NLGN1: variants seen among roughly 807,000 people sequenced by gnomAD.
The protein encoded by NLGN1 is neuroligin 1.
NLGN1 carries 12 observed loss-of-function variants against 65.5 expected under a neutral mutation model. The observed-to-expected ratio is 0.18, with a 90% confidence interval of 0.12 to 0.30. NLGN1 has a LOEUF of 0.30. Ranked by LOEUF, NLGN1 falls within the 10% of genes least tolerant of loss-of-function variation. NLGN1 has a pLI of 1.00. For missense variants in NLGN1, 750 were observed against 1,007.1 expected, an observed-to-expected ratio of 0.74 and a Z score of 3.46; for synonymous variants, 350 against 359.5, an observed-to-expected ratio of 0.97 and a Z score of 0.30.
intron 4 of NLGN1, among the ~76,000 whole-genome samples, chr3:174,224,463 C>T (rs1451367205): frequency 6.6e-6 from 1 of 152,160 alleles, no homozygotes; most frequent in African/African-American, 2.4e-5. Context: ...CTTTGGGAGG[C>T]CGAGGCGGGT....
intron 4 of NLGN1, among the ~76,000 whole-genome samples, chr3:173,971,162 G>T (rs961626918): frequency 6.6e-6 from 1 of 152,060 alleles, no homozygotes; most frequent in East Asian, 1.9e-4. Context: ...ATCCCTGAAC[G>T]AGAAAGAGGG....
intron 2 of NLGN1, among the ~76,000 whole-genome samples, chr3:173,547,176 C>G (rs938899441): frequency 2.0e-5 from 3 of 152,032 alleles, no homozygotes; most frequent in Non-Finnish European, 4.4e-5. Context: ...ACTACTTCAG[C>G]GAATATTAGT....
At position 173,432,834 on chromosome 3, in the gene NLGN1, G is replaced by A. The variant is rs145439942; in HGVS notation, c.-389-2176G>A. Among the ~76,000 whole-genome samples, 1,407 of 152,100 alleles carry A rather than the reference G, an allele frequency of 9.3e-3. 16 individuals are homozygous for A. Among genetic ancestry groups the A allele is most frequent in the African/African-American group, 0.032 (1,348 of 41,506 alleles). ...GTTTATTTCCTGTTATCTTTTAGAA[G>A]TCTCATTTCCTTTTAGAGGATAATG... On this transcript the variant is annotated intron_variant, in intron 1 of 6. Transcript: ENST00000457714.
intron 1 of NLGN1, among the ~76,000 whole-genome samples, chr3:173,430,252 C>CATCA: frequency 6.6e-6 from 1 of 152,210 alleles, no homozygotes; most frequent in East Asian, 1.9e-4. Context: ...TAACTGGAGT[C>CATCA]ATCACATCCT....
intron 2 of NLGN1, among the ~76,000 whole-genome samples, chr3:173,474,887 G>A (rs895942040): frequency 1.1e-4 from 16 of 152,040 alleles, no homozygotes; most frequent in Non-Finnish European, 2.1e-4. Context: ...GAACCCGGGA[G>A]GCAGAGGTTG....
At chr3:173,420,239 A>G (rs1342192318) in intron 1 of NLGN1, among the ~76,000 whole-genome samples, 2 of 151,762 alleles carry the variant, frequency 1.3e-5, no homozygotes, top group Non-Finnish European at 2.9e-5. Context: ...CTCCCACCCC[A>G]CAACAGTCCC....
Position 174,169,672 on chromosome 3 carries a change from G to A in NLGN1, c.647-105643G>A, listed in dbSNP as rs575156323. Among the ~76,000 whole-genome samples the A allele has an allele frequency of 2.0e-5, 3 of 152,236 alleles. No individual in the cohort carries two copies. The East Asian group carries it at 5.8e-4, about 30-fold the overall frequency. ...AGGGCCTAGCTTCACCACAATCTCAGGGAGACAGAGTGGGGCACCCAGCAA... is the reference window on the plus strand; with the variant it reads ...AGGGCCTAGCTTCACCACAATCTCAAGGAGACAGAGTGGGGCACCCAGCAA... On this transcript the variant is annotated intron_variant, in intron 4 of 6. Transcript: ENST00000457714.
chr3:173,564,034 T>C (rs571677830), intron 2 of NLGN1, among the ~76,000 whole-genome samples: 194 of 152,364 alleles, frequency 1.3e-3, no homozygotes, highest in Non-Finnish European at 2.2e-3. Context: ...TGGCCCTTAC[T>C]ACCTGTCAGT....
At chr3:173,624,579 T>G (rs943646249) in intron 3 of NLGN1, among the ~76,000 whole-genome samples, 6 of 152,094 alleles carry the variant, frequency 3.9e-5, no homozygotes, top group Admixed American at 3.9e-4. Context: ...GAATACAAAT[T>G]TAAATAAATT....
At chr3:174,115,600 C>T (rs758223166) in intron 4 of NLGN1, among the ~76,000 whole-genome samples, 25 of 152,066 alleles carry the variant, frequency 1.6e-4, no homozygotes, top group Non-Finnish European at 3.2e-4. Context: ...TTTGGAATCC[C>T]GACCCAGAAA....
intron 3 of NLGN1, among the ~76,000 whole-genome samples, chr3:173,729,261 G>A (rs530672963): frequency 7.9e-5 from 12 of 151,904 alleles, no homozygotes; most frequent in Non-Finnish European, 1.6e-4. Context: ...TAAAATTCTC[G>A]AAAAACAAAA....
chr3:174,107,435 G>A (rs1255066987), intron 4 of NLGN1, among the ~76,000 whole-genome samples: 3 of 152,204 alleles, frequency 2.0e-5, no homozygotes, highest in Admixed American at 6.6e-5. Flanking sequence ...TATTTCTGTA[G>A]AGATTTATCT....
chr3:174,054,870 A>T (rs1344624056), intron 4 of NLGN1, among the ~76,000 whole-genome samples: 1 of 152,060 alleles, frequency 6.6e-6, no homozygotes, highest in Non-Finnish European at 1.5e-5. Context: ...TCCACCAATT[A>T]GCACACTCTT....
rs1173695776 is a variant in NLGN1 at position 173,903,952 on chromosome 3, C to CT, written c.646+96130dup. ...CCCAGCACAGACTCAGAAGGCTCTT[C>CT]TTTTTTTTTTCCATTTCCAAGCAGC... On this transcript the variant is annotated intron_variant, in intron 4 of 6. Transcript: ENST00000457714. 4.8e-3 allele frequency among the ~76,000 whole-genome samples: 718 copies of CT among 149,136 alleles called. 6 individuals are homozygous for CT. The highest frequency in any genetic ancestry group is 7.6e-3 in the Non-Finnish European group (511 of 66,934).
intron 1 of NLGN1, among the ~76,000 whole-genome samples, chr3:173,402,834 A>G (rs537952535): frequency 2.6e-5 from 4 of 152,164 alleles, no homozygotes; most frequent in Non-Finnish European, 4.4e-5. Flanking sequence ...ACAACTGTCA[A>G]TGAGACAATG....
At chr3:173,635,329 A>G (rs1756409354) in intron 3 of NLGN1, among the ~76,000 whole-genome samples, 1 of 152,144 alleles carries the variant, frequency 6.6e-6, no homozygotes, top group African/African-American at 2.4e-5. Context: ...ACTCCTGCAA[A>G]TAAGGACAAG....
At chr3:173,995,101 A>T (rs148196954) in intron 4 of NLGN1, among the ~76,000 whole-genome samples, 65 of 152,278 alleles carry the variant, frequency 4.3e-4, no homozygotes, top group African/African-American at 1.5e-3. Context: ...TGCTAGCCCG[A>T]GGTTTGCAAT....
chr3:173,934,324 A>G (rs1478918138), intron 4 of NLGN1, among the ~76,000 whole-genome samples: 1 of 149,072 alleles, frequency 6.7e-6, no homozygotes, highest in African/African-American at 2.5e-5. Flanking sequence ...ATAAACCATT[A>G]TTATGTTATA....
chr3:174,204,681 T>C lies in NLGN1; in HGVS notation c.647-70634T>C, dbSNP rs2152780173. 1.3e-5 allele frequency among the ~76,000 whole-genome samples: 2 copies of C among 152,352 alleles called. 1 individual carries two copies. Among genetic ancestry groups the C allele is most frequent in the South Asian group, 4.1e-4 (2 of 4,832 alleles). ...GTAAATTATAGAAGATTGTGGTCTT[T>C]CCGTGACTAATGCCCTAGAAAAGCT... On this transcript the variant is annotated intron_variant, in intron 4 of 6. Transcript: ENST00000457714.
Sources: allele counts gnomAD v4.1 joint callset (sites outside exome capture counted in the v4.1 genomes callset), GRCh38; gene constraint gnomAD v4.1.1; transcripts MANE v1.5; gene names NCBI Gene and HGNC (gene_info 2026-07-23, HGNC 2026-07-21).